The following SLC23A3 variants were observed in gnomAD, a reference collection of about 807,000 sequenced individuals.
The protein encoded by SLC23A3 is E2-binding protein 3.
In SLC23A3, 41 loss-of-function variants were observed where a neutral mutation model predicts 64.7. The ratio of observed to expected loss-of-function variants is 0.63; its 90% CI spans 0.49 to 0.82. SLC23A3 has a LOEUF of 0.82. Ranked by LOEUF, SLC23A3 falls within the 40% of genes least tolerant of loss-of-function variation. The probability of loss-of-function intolerance (pLI) is 0.00; values close to 1 mark genes in which losing one functional copy is unlikely to be tolerated. For synonymous variants in SLC23A3, 281 were observed against 306.8 expected, an observed-to-expected ratio of 0.92 and a Z score of 0.88; for missense variants, 647 against 733.4, an observed-to-expected ratio of 0.88 and a Z score of 1.36.
chr2:219,169,479 C>A lies in SLC23A3; in HGVS notation c.320+42G>T. On this transcript the variant is annotated intron_variant, in intron 2 of 11. Transcript: ENST00000409878. The surrounding 1 kb of genome is among the most constrained non-coding windows in gnomAD (Gnocchi z 4.5). ...CAAGGCTCCCCCAAACCTCTCCTAC[C>A]CTCCAGGACTCTGCCCCTCTCTCCA... 6.2e-7 allele frequency: 1 copy of A among 1,613,452 alleles called. No homozygotes were observed.
chr2:219,163,795 G>T (rs574763337), intron 9 of SLC23A3, among the ~76,000 whole-genome samples: 1 of 152,164 alleles, frequency 6.6e-6, no homozygotes, highest in South Asian at 2.1e-4. Context: ...CCTACTCCCG[G>T]ATTCAAGCGA....
In SLC23A3 at chr2:219,165,492, G is replaced by A. The variant is rs1035519753; in HGVS notation, c.914-70C>T. 2.2e-5 allele frequency: 33 copies of A among 1,491,758 alleles called. No homozygotes were observed. The African/African-American group carries it at 4.0e-4, about 18-fold the overall frequency. The allele number at this position is 1,491,758 out of a possible 1,614,324, so 92.4% of individuals were successfully genotyped here. On this transcript the variant is annotated intron_variant, in intron 7 of 11. Coordinates refer to ENST00000409878, the MANE Select transcript of SLC23A3 (RefSeq NM_001144889.2). ...GAGTACCCCCTGCCTCCAACAGCCT[G>A]TGCCACAAGAATCCTAGATGCCTCA...
chr2:219,164,095 T>TATCC (rs763734349), intron 9 of SLC23A3, 138 bp downstream of exon 9: 427 of 642,278 alleles, frequency 6.6e-4, no homozygotes, highest in South Asian at 4.6e-4. Flanking sequence ...CACATGCTCA[T>TATCC]ATCCATCCAT....
intron 10 of SLC23A3, among the ~76,000 whole-genome samples, chr2:219,162,929 C>A (rs758781286): frequency 2.0e-5 from 3 of 152,200 alleles, no homozygotes; most frequent in Non-Finnish European, 2.9e-5. Context: ...GCAAAATCAC[C>A]CAGTTGAGAA....
chr2:219,169,313 T>C lies in SLC23A3; in HGVS notation c.414A>G (p.Gly138=). Residue 138 remains glycine, a synonymous_variant, in exon 3 of 12, where the codon GGA becomes GGG. Transcript: ENST00000409878. The surrounding 1 kb of genome is among the most constrained non-coding windows in gnomAD (Gnocchi z 4.5). ...QKLPRAIQTP[G]NSSLMLHLCR... ...TTGCCCTTGCTCTGTGCTCACAGTT[T>C]CCAGGTGTCTGGATGGCCCGGGGTA... 1 of 1,614,208 alleles carries C rather than the reference T, an allele frequency of 6.2e-7. No homozygotes were observed. Among genetic ancestry groups the C allele is most frequent in the Non-Finnish European group, 8.5e-7 (1 of 1,180,036 alleles).
chr2:219,162,457 T>A, intron 10 of SLC23A3, 63 bp from the exon 11 acceptor site: 10 of 1,248,602 alleles, frequency 8.0e-6, no homozygotes, highest in Non-Finnish European at 1.2e-5. Flanking sequence ...CCAGGAGTCT[T>A]ACCCTCCCAG....
intron 7 of SLC23A3, among the ~76,000 whole-genome samples, chr2:219,166,649 C>G (rs900412417): frequency 6.6e-5 from 10 of 152,202 alleles, no homozygotes; most frequent in African/African-American, 2.4e-4. Context: ...ATCCTCCTGC[C>G]TCAGTCTCCT....
chr2:219,165,514 C>T (rs1372564244), intron 7 of SLC23A3, 92 bp from the exon 8 acceptor site: 1 of 1,412,046 alleles, frequency 7.1e-7, no homozygotes, highest in South Asian at 1.3e-5. Flanking sequence ...TCCTAGATGC[C>T]TCAATGTCTT....
intron 8 of SLC23A3, 28 bp from the exon 9 acceptor site, chr2:219,164,366 A>G: frequency 6.9e-7 from 1 of 1,449,134 alleles, no homozygotes; most frequent in South Asian, 1.2e-5. Flanking sequence ...ACTGGAAAAC[A>G]CAGCCACTTC....
intron 10 of SLC23A3, 78 bp from the exon 11 acceptor site, chr2:219,162,472 A>C (rs369312052): frequency 3.9e-6 from 4 of 1,019,128 alleles, no homozygotes; most frequent in South Asian, 1.3e-5. Context: ...TCCCAGACCT[A>C]AACCTAAGCC....
chr2:219,163,071 A>G (rs1444932886), intron 10 of SLC23A3, among the ~76,000 whole-genome samples: 1 of 152,226 alleles, frequency 6.6e-6, no homozygotes, highest in South Asian at 2.1e-4. Context: ...TTTAAAACTT[A>G]CCATCCTTCA....
Position 219,166,611 on chromosome 2 carries a change from C to T in SLC23A3, c.914-1189G>A, listed in dbSNP as rs1574760142. ...ATGCAGTGGTGCAATCATAGCACACCGCAGCCTCCAACTCCTGGGCTCAAG... is the reference window on the plus strand; with the variant it reads ...ATGCAGTGGTGCAATCATAGCACACTGCAGCCTCCAACTCCTGGGCTCAAG... On this transcript the variant is annotated intron_variant, in intron 7 of 11. Transcript: ENST00000409878. Among the ~76,000 whole-genome samples, 4 of 152,094 alleles carry T rather than the reference C, an allele frequency of 2.6e-5. 1 individual carries two copies. The highest frequency in any genetic ancestry group is 2.6e-4 in the Admixed American group (4 of 15,276).
chr2:219,162,488 C>A, intron 10 of SLC23A3, 94 bp from the exon 11 acceptor site: 1 of 843,718 alleles, frequency 1.2e-6, no homozygotes, highest in South Asian at 1.5e-5. Context: ...AAGCCTTGGA[C>A]TAAGGACAGA....
At chr2:219,166,671 C>A (rs951177165) in intron 7 of SLC23A3, among the ~76,000 whole-genome samples, 2 of 152,068 alleles carry the variant, frequency 1.3e-5, no homozygotes, top group African/African-American at 4.8e-5. Context: ...AGTAGCTAGG[C>A]CTACAAGCAT....
At chr2:219,165,535 G>T (rs1468005328) in intron 7 of SLC23A3, 113 bp from the exon 8 acceptor site, 9 of 1,276,982 alleles carry the variant, frequency 7.0e-6, no homozygotes, top group Non-Finnish European at 9.6e-6. Flanking sequence ...TGAAGACAAT[G>T]TCTTGGGACA....
chr2:219,169,577 G>C lies in SLC23A3; in HGVS notation c.264C>G (p.Ala88=). ...GLSYSPSQLL[A]SSFFSCGMST... is the part of the protein sequence containing the mutation. ...ACATACCACATGAAAAGAAGCTGGA[G>C]GCCAGGAGCTGAGAAGGGGAGTAAG... The change falls in exon 2 of 12, where the codon GCC becomes GCG. Residue 88 remains alanine (A), a synonymous_variant. Transcript: ENST00000409878. This position sits in a 1 kb window ranked among gnomAD's most constrained non-coding sequence, Gnocchi z 4.5. 6.2e-7 allele frequency: 1 copy of C among 1,614,214 alleles called. No individual in the cohort carries two copies. The highest frequency in any genetic ancestry group is 8.5e-7 in the Non-Finnish European group (1 of 1,180,044).
intron 9 of SLC23A3, 148 bp from the exon 10 acceptor site, chr2:219,163,703 G>A (rs1481515359): frequency 7.5e-6 from 6 of 802,160 alleles, no homozygotes; most frequent in Non-Finnish European, 9.7e-6. Flanking sequence ...TGTTTTTTTG[G>A]TTTTTTTTTG....
chr2:219,163,608 A>G, intron 9 of SLC23A3, 53 bp from the exon 10 acceptor site: 3 of 1,539,734 alleles, frequency 1.9e-6, no homozygotes, highest in South Asian at 2.2e-5. Context: ...GGGGGCTCAC[A>G]TAGCATGGAG....
Position 219,165,167 on chromosome 2 carries a change from A to G in SLC23A3, c.1167+2T>C. On this transcript the variant is annotated splice_donor_variant, in intron 8 of 11. Coordinates refer to ENST00000409878, the MANE Select transcript of SLC23A3 (RefSeq NM_001144889.2). LOFTEE classifies it high-confidence loss of function. ...CCCCACTCCCATCCCAGGTCCACGT[A>G]CCTGGATAAGACCCACTTTGCCCAC... is the stretch of plus-strand genomic sequence containing the variant. The G allele has an allele frequency of 6.4e-7, 1 of 1,551,612 alleles. No homozygotes were observed. The highest frequency in any genetic ancestry group is 8.7e-7 in the Non-Finnish European group (1 of 1,146,994).
Sources: allele counts gnomAD v4.1 joint callset (sites outside exome capture counted in the v4.1 genomes callset), GRCh38; gene constraint gnomAD v4.1.1; non-coding constraint Gnocchi (gnomAD v3.1); transcripts MANE v1.5; gene names NCBI Gene and HGNC (gene_info 2026-07-23, HGNC 2026-07-21).